MRAS: variants seen among roughly 807,000 people sequenced by gnomAD.
MRAS encodes ras-related protein M-Ras.
A neutral mutation model predicts 20.9 loss-of-function variants in MRAS; 4 were observed. The observed-to-expected ratio is 0.19, with a 90% CI of 0.09 to 0.44. MRAS has a LOEUF of 0.44. Ranked by LOEUF, MRAS falls within the 20% of genes least tolerant of loss-of-function variation. The pLI, the probability that MRAS is intolerant of heterozygous loss-of-function variation, is 0.99. For synonymous variants in MRAS, 98 were observed against 102.9 expected, an observed-to-expected ratio of 0.95 and a Z score of 0.29; for missense variants, 154 against 277.5, an observed-to-expected ratio of 0.56 and a Z score of 3.16.
chr3:138,400,084 G>A (rs2055328107), intron 4 of MRAS: 1 of 156,440 alleles, frequency 6.4e-6, no homozygotes, highest in African/African-American at 2.4e-5. Context: ...GGGTCACCTG[G>A]GCCCAGAATC....
intron 2 of MRAS, among the ~76,000 whole-genome samples, chr3:138,387,688 C>T (rs1044588167): frequency 2.6e-5 from 4 of 152,180 alleles, no homozygotes; most frequent in Non-Finnish European, 4.4e-5. Flanking sequence ...TATTCCTGGG[C>T]TCTAGTTACA....
chr3:138,351,127 C>G (rs1280367636), intron 1 of MRAS, among the ~76,000 whole-genome samples: 1 of 152,120 alleles, frequency 6.6e-6, no homozygotes, highest in Admixed American at 6.6e-5. Context: ...CTAGTGAGTT[C>G]TCAGGGAAAT....
At chr3:138,389,397 G>T (rs545248848) in intron 2 of MRAS, among the ~76,000 whole-genome samples, 1 of 151,424 alleles carries the variant, frequency 6.6e-6, no homozygotes, top group Non-Finnish European at 1.5e-5. Flanking sequence ...GATGACACAC[G>T]CAACAGGAAG....
At chr3:138,367,983 T>C (rs2054596957) in intron 1 of MRAS, among the ~76,000 whole-genome samples, 1 of 152,246 alleles carries the variant, frequency 6.6e-6, no homozygotes, top group Non-Finnish European at 1.5e-5. Flanking sequence ...GTTTCCAGTA[T>C]GAACAACGGG....
chr3:138,400,809 G>T (rs1349132895), intron 5 of MRAS, among the ~76,000 whole-genome samples, 196 bp downstream of exon 5: 2 of 152,168 alleles, frequency 1.3e-5, no homozygotes, highest in Non-Finnish European at 2.9e-5. Context: ...CCCCGCAGCT[G>T]CTAACGGGTT....
At chr3:138,360,874 A>G (rs1387206870) in intron 1 of MRAS, among the ~76,000 whole-genome samples, 4 of 152,228 alleles carry the variant, frequency 2.6e-5, no homozygotes, top group African/African-American at 9.6e-5. Context: ...TAGCAGAGGA[A>G]TGTGACTGTG....
At chr3:138,358,609 A>G (rs766968288) in intron 1 of MRAS, among the ~76,000 whole-genome samples, 1 of 152,242 alleles carries the variant, frequency 6.6e-6, no homozygotes, top group Non-Finnish European at 1.5e-5. Flanking sequence ...TCTGTGCCAG[A>G]TATGTGCTGG....
chr3:138,357,544 C>T (rs139252089), intron 1 of MRAS, among the ~76,000 whole-genome samples: 3,210 of 152,310 alleles, frequency 0.021, 76 homozygotes, highest in South Asian at 0.083. Context: ...TTAATTCTTC[C>T]AAAGGATTTT....
At chr3:138,370,619 C>A (rs1484002069) in intron 1 of MRAS, among the ~76,000 whole-genome samples, 1 of 152,136 alleles carries the variant, frequency 6.6e-6, no homozygotes, top group African/African-American at 2.4e-5. Context: ...GATTCCGGGG[C>A]CACAGCTGGA....
chr3:138,387,775 C>G (rs529154856), intron 2 of MRAS, among the ~76,000 whole-genome samples: 1 of 152,182 alleles, frequency 6.6e-6, no homozygotes, highest in Non-Finnish European at 1.5e-5. Context: ...CTAGGTTCCT[C>G]TAAGAATCCC....
intron 2 of MRAS, among the ~76,000 whole-genome samples, chr3:138,380,516 G>A (rs2054878941): frequency 1.3e-5 from 2 of 151,610 alleles, no homozygotes; most frequent in African/African-American, 4.9e-5. Context: ...TTTCCGTGTT[G>A]GCCAGGCTGA....
At chr3:138,383,058 T>C (rs989466537) in intron 2 of MRAS, among the ~76,000 whole-genome samples, 8 of 152,316 alleles carry the variant, frequency 5.3e-5, no homozygotes, top group African/African-American at 1.9e-4. Flanking sequence ...CCTTGCACCC[T>C]CATCAGTGGG....
intron 1 of MRAS, among the ~76,000 whole-genome samples, chr3:138,351,043 C>T (rs1159282301): frequency 1.3e-5 from 2 of 152,062 alleles, no homozygotes; most frequent in Admixed American, 6.6e-5. Context: ...GACTATTGGC[C>T]TCTGATAAAT....
intron 2 of MRAS, 85 bp downstream of exon 2, chr3:138,373,161 A>G (rs2054710427): frequency 1.6e-5 from 20 of 1,215,732 alleles, no homozygotes; most frequent in Non-Finnish European, 2.2e-5. Context: ...GTGGGGCAAG[A>G]TGGTTTCCTT....
chr3:138,386,058 T>C (rs1230491057), intron 2 of MRAS, among the ~76,000 whole-genome samples: 1 of 152,122 alleles, frequency 6.6e-6, no homozygotes, highest in Admixed American at 6.6e-5. Flanking sequence ...TTGATTTTTT[T>C]CCTCATATAA....
intron 2 of MRAS, among the ~76,000 whole-genome samples, chr3:138,385,437 G>A (rs2054991323): frequency 6.6e-6 from 1 of 150,796 alleles, no homozygotes; most frequent in Non-Finnish European, 1.5e-5. Context: ...ATGAACCACT[G>A]TACCCAGCTT....
At chr3:138,369,179 A>T (rs1448836679) in intron 1 of MRAS, among the ~76,000 whole-genome samples, 2 of 152,204 alleles carry the variant, frequency 1.3e-5, no homozygotes, top group East Asian at 3.8e-4. Context: ...TTGAACCTCT[A>T]GTTCATTCAG....
At chr3:138,402,085 C>G in intron 5 of MRAS, 85 bp from the exon 6 acceptor site, 5 of 1,333,850 alleles carry the variant, frequency 3.7e-6, no homozygotes, top group Non-Finnish European at 5.3e-6. Context: ...TCCTCTGACT[C>G]AGATCTGGGG....
intron 4 of MRAS, among the ~76,000 whole-genome samples, chr3:138,399,925 C>T (rs773096715): frequency 3.3e-5 from 5 of 152,256 alleles, no homozygotes; most frequent in Admixed American, 1.3e-4. Flanking sequence ...TCGTATCTCC[C>T]GCTGTCTGCA....
Sources: gnomAD v4.1 joint callset for allele counts (sites outside exome capture counted in the v4.1 genomes callset) on GRCh38, gnomAD v4.1.1 for gene constraint, MANE v1.5 for transcripts, NCBI Gene and HGNC (gene_info 2026-07-23, HGNC 2026-07-21) for gene names.